Variants in SPAG1 observed in about 807,000 individuals in gnomAD.
SPAG1 encodes the protein sperm-associated antigen 1.
In SPAG1, 69 loss-of-function variants were observed where a neutral mutation model predicts 100.5. The ratio of observed to expected loss-of-function variants is 0.69; its 90% CI spans 0.57 to 0.84. The LOEUF (loss-of-function observed/expected upper bound fraction) is 0.84. SPAG1 is among the 40% of genes least tolerant of loss of function. The pLI is 0.00. For missense variants in SPAG1, 955 were observed against 1,133.1 expected (o/e 0.84, Z 2.26); for synonymous variants, 336 against 411.6 (o/e 0.82, Z 2.22).
At chr8:100,215,219 A>G (rs1247075246) in intron 12 of SPAG1, among the ~76,000 whole-genome samples, 1 of 151,188 alleles carries the variant, frequency 6.6e-6, no homozygotes, top group African/African-American at 2.4e-5. Flanking sequence ...CCTGTCTTAT[A>G]CAGCTTCGTA....
At chr8:100,233,941 G>C (rs1226511481) in intron 16 of SPAG1, among the ~76,000 whole-genome samples, 6 of 152,220 alleles carry the variant, frequency 3.9e-5, no homozygotes, top group Non-Finnish European at 5.9e-5. Context: ...TGACCCAGCG[G>C]AAGTTGGGAG....
At chr8:100,221,769 T>C (rs1239175525) in intron 13 of SPAG1, among the ~76,000 whole-genome samples, 2 of 152,228 alleles carry the variant, frequency 1.3e-5, no homozygotes, top group African/African-American at 4.8e-5. Flanking sequence ...CTTTGAAGGA[T>C]GCTGAGAGAA....
intron 8 of SPAG1, among the ~76,000 whole-genome samples, chr8:100,190,496 C>T (rs1027945183): frequency 6.7e-5 from 10 of 149,444 alleles, no homozygotes; most frequent in Admixed American, 4.7e-4. Flanking sequence ...AAATCAAATG[C>T]GAATTATCAA....
intron 4 of SPAG1, among the ~76,000 whole-genome samples, chr8:100,181,393 G>C (rs17420284): frequency 6.6e-6 from 1 of 152,182 alleles, no homozygotes; most frequent in Admixed American, 6.5e-5. Context: ...GTATTTGAGA[G>C]CCACATATGA....
chr8:100,224,435 G>C (rs1818417064), intron 13 of SPAG1, among the ~76,000 whole-genome samples: 1 of 152,126 alleles, frequency 6.6e-6, no homozygotes, highest in South Asian at 2.1e-4. Flanking sequence ...CCAGCTACTT[G>C]GGGGGCTGAG....
intron 8 of SPAG1, 125 bp from the exon 9 acceptor site, chr8:100,191,265 A>G: frequency 3.2e-6 from 2 of 616,962 alleles, no homozygotes; most frequent in South Asian, 2.1e-5. Context: ...AAAAGGGTGT[A>G]GTTGAGCTTT....
intron 14 of SPAG1, among the ~76,000 whole-genome samples, chr8:100,230,289 A>G (rs1818707957): frequency 2.0e-5 from 3 of 152,358 alleles, no homozygotes. Flanking sequence ...ATTGCCAAGC[A>G]AAACACTGTG....
chr8:100,173,175 A>AT lies in SPAG1; in HGVS notation c.301-4639dup, dbSNP rs1815957333. 5.3e-5 allele frequency among the ~76,000 whole-genome samples: 8 copies of AT among 150,214 alleles called. No homozygotes were observed. In the South Asian group the frequency reaches 1.7e-3, roughly 32 times the overall value. ...CTCCTGATTCTCCCAAGTAGCTGGGATTACAGGCATTCACCACCACACTCA... is the reference window on the plus strand; with the variant it reads ...CTCCTGATTCTCCCAAGTAGCTGGGATTTACAGGCATTCACCACCACACTCA... On this transcript the variant is annotated intron_variant, in intron 3 of 18. Coordinates refer to ENST00000388798, the MANE Select transcript of SPAG1 (RefSeq NM_003114.5).
intron 8 of SPAG1, among the ~76,000 whole-genome samples, chr8:100,187,855 G>A (rs867204409): frequency 1.9e-4 from 29 of 151,994 alleles, no homozygotes; most frequent in Non-Finnish European, 3.4e-4. Flanking sequence ...TTGTTTGTTT[G>A]TATGTTTGTT....
intron 9 of SPAG1, among the ~76,000 whole-genome samples, chr8:100,193,452 C>A (rs1040096782): frequency 6.6e-6 from 1 of 152,090 alleles, no homozygotes; most frequent in Non-Finnish European, 1.5e-5. Flanking sequence ...CAGAGGGAAA[C>A]CCTGTCTCAG....
At chr8:100,207,904 A>G (rs1817573693) in intron 10 of SPAG1, among the ~76,000 whole-genome samples, 1 of 152,172 alleles carries the variant, frequency 6.6e-6, no homozygotes, top group South Asian at 2.1e-4. Flanking sequence ...AAAATCAACT[A>G]GGTGACAATA....
Position 100,177,873 on chromosome 8 carries a change from A to T in SPAG1, c.358A>T (p.Thr120Ser). 6.3e-7 allele frequency: 1 copy of T among 1,598,418 alleles called. No individual in the cohort carries two copies. Among genetic ancestry groups the T allele is most frequent in the Non-Finnish European group, 8.6e-7 (1 of 1,165,946 alleles). Residue 120 changes from threonine (T) to serine (S), a missense_variant, in exon 4 of 19, where the codon ACA (threonine) becomes TCA (serine). Coordinates refer to ENST00000388798, the MANE Select transcript of SPAG1 (RefSeq NM_003114.5). Reference sequence around the variant, plus strand: ...TAAAATGCACTTTCATGAAACTGAGACATTTCCAGCAATGAAAGATAATTT... The same window carrying T: ...TAAAATGCACTTTCATGAAACTGAGTCATTTCCAGCAATGAAAGATAATTT... ...EDKMHFHETE[T>S]FPAMKDNLPP...
intron 2 of SPAG1, chr8:100,165,569 C>G (rs1192944714): frequency 4.7e-6 from 2 of 426,156 alleles, no homozygotes; most frequent in Non-Finnish European, 8.4e-6. Context: ...CCCACTCACC[C>G]TTATCCAGTT....
intron 10 of SPAG1, among the ~76,000 whole-genome samples, chr8:100,197,228 G>A (rs1817072654): frequency 6.6e-6 from 1 of 152,024 alleles, no homozygotes; most frequent in Non-Finnish European, 1.5e-5. Flanking sequence ...AGGAGGCTGA[G>A]GGTTGCTTAA....
intron 10 of SPAG1, among the ~76,000 whole-genome samples, chr8:100,202,363 A>C (rs1053404925): frequency 1.6e-4 from 25 of 151,984 alleles, no homozygotes; most frequent in African/African-American, 6.0e-4. Context: ...ACAAAAAACA[A>C]AACAAAAAAA....
At chr8:100,177,278 G>A (rs764277187) in intron 3 of SPAG1, among the ~76,000 whole-genome samples, 7 of 152,194 alleles carry the variant, frequency 4.6e-5, no homozygotes, top group Non-Finnish European at 8.8e-5. Context: ...GAGATGACTA[G>A]TGTCACAAGG....
In SPAG1 at chr8:100,241,184, A is replaced by G. The variant is rs1362439136; in HGVS notation, c.*162A>G. 6.1e-6 allele frequency: 3 copies of G among 493,434 alleles called. No individual in the cohort carries two copies. The highest frequency in any genetic ancestry group is 3.4e-6 in the Non-Finnish European group (1 of 293,468). The allele number at this position is 493,434 out of a possible 1,614,324, so 30.6% of individuals were successfully genotyped here. On this transcript the variant is annotated 3_prime_UTR_variant, in exon 19 of 19. Coordinates refer to ENST00000388798, the MANE Select transcript of SPAG1 (RefSeq NM_003114.5). The surrounding 1 kb of genome is among the most constrained non-coding windows in gnomAD (Gnocchi z 5.1). Reference sequence around the variant, plus strand: ...TTCCTACATAGAACATGTATATTCTACAATCTGCTTTTTATTAGTTGTAAA... The same window carrying G: ...TTCCTACATAGAACATGTATATTCTGCAATCTGCTTTTTATTAGTTGTAAA...
intron 10 of SPAG1, among the ~76,000 whole-genome samples, chr8:100,202,709 CAAAAAAAAAAAAA>C (rs750153561): frequency 1.9e-3 from 53 of 27,468 alleles, no homozygotes; most frequent in Admixed American, 0.018. Context: ...GACTCCGTCT[CAAAAAAAAAAAAA>C]AAAAAAAAAA....
chr8:100,211,067 C>T (rs549885248), intron 10 of SPAG1, among the ~76,000 whole-genome samples: 1 of 152,222 alleles, frequency 6.6e-6, no homozygotes, highest in South Asian at 2.1e-4. Context: ...ACCTTGTGAT[C>T]TGCCTGCCTC....
Sources: allele counts gnomAD v4.1 joint callset (sites outside exome capture counted in the v4.1 genomes callset), GRCh38; gene constraint gnomAD v4.1.1; non-coding constraint Gnocchi (gnomAD v3.1); transcripts MANE v1.5; gene names NCBI Gene and HGNC (gene_info 2026-07-23, HGNC 2026-07-21).